CSMD1: variants seen among roughly 807,000 people sequenced by gnomAD.
CSMD1 encodes CUB and sushi domain-containing protein 1.
Under a neutral mutation model 417.5 loss-of-function variants are expected in CSMD1, and 213 were observed. The ratio of observed to expected loss-of-function variants is 0.51; its 90% CI spans 0.46 to 0.57. The LOEUF (loss-of-function observed/expected upper bound fraction) is 0.57. Ranked by LOEUF, CSMD1 falls within the 20% of genes least tolerant of loss-of-function variation. The probability of loss-of-function intolerance (pLI) is 0.00; values close to 1 mark genes in which losing one functional copy is unlikely to be tolerated. For synonymous variants in CSMD1, 2,862 were observed against 1,736.8 expected, an observed-to-expected ratio of 1.65 and a Z score of -16.11; for missense variants, 6,923 against 4,529.7, an observed-to-expected ratio of 1.53 and a Z score of -15.17.
intron 7 of CSMD1, among the ~76,000 whole-genome samples, chr8:3,663,389 C>T (rs1269181906): frequency 6.6e-6 from 1 of 152,052 alleles, no homozygotes; most frequent in African/African-American, 2.4e-5. Flanking sequence ...CTGTAAATTT[C>T]CCTGACTGCT....
chr8:3,181,449 T>C (rs1415933979), intron 36 of CSMD1, among the ~76,000 whole-genome samples: 1 of 152,234 alleles, frequency 6.6e-6, no homozygotes, highest in Non-Finnish European at 1.5e-5. Flanking sequence ...CACCTTTCTC[T>C]TGTACAAAAA....
At chr8:3,603,003 A>C (rs191299187) in intron 8 of CSMD1, among the ~76,000 whole-genome samples, 3 of 152,306 alleles carry the variant, frequency 2.0e-5, no homozygotes, top group Non-Finnish European at 4.4e-5. Context: ...TGTGTAAGAG[A>C]GAGGGAGGAT....
intron 5 of CSMD1, among the ~76,000 whole-genome samples, chr8:3,958,316 CTCTCTTTTTTT>C (rs1812106339): frequency 7.8e-6 from 1 of 128,960 alleles, no homozygotes; most frequent in Non-Finnish European, 1.6e-5. Context: ...TTTTTAAACT[CTCTCTTTTTTT>C]TTTTTTTTTC....
At chr8:4,802,123 C>T (rs538157566) in intron 1 of CSMD1, among the ~76,000 whole-genome samples, 2 of 152,290 alleles carry the variant, frequency 1.3e-5, no homozygotes, top group Non-Finnish European at 1.5e-5. Flanking sequence ...TTAAGGCCAT[C>T]TGGAGGGATC....
At chr8:4,953,383 G>A (rs1377849680) in intron 1 of CSMD1, among the ~76,000 whole-genome samples, 3 of 152,202 alleles carry the variant, frequency 2.0e-5, no homozygotes, top group South Asian at 2.1e-4. Context: ...GAAGGACTAT[G>A]CGATCAACAC....
chr8:4,188,547 T>A (rs1259313250), intron 3 of CSMD1, among the ~76,000 whole-genome samples: 1 of 152,110 alleles, frequency 6.6e-6, no homozygotes, highest in Non-Finnish European at 1.5e-5. Flanking sequence ...CTTTAGGAAT[T>A]CAGGCAGTAT....
intron 4 of CSMD1, among the ~76,000 whole-genome samples, chr8:4,010,836 C>G (rs1248576090): frequency 1.3e-5 from 2 of 152,186 alleles, no homozygotes; most frequent in African/African-American, 4.8e-5. Flanking sequence ...TAGGCCAAGT[C>G]CACTTTTATA....
chr8:3,472,390 C>T (rs1817157655), intron 11 of CSMD1, among the ~76,000 whole-genome samples: 1 of 152,104 alleles, frequency 6.6e-6, no homozygotes, highest in African/African-American at 2.4e-5. Flanking sequence ...GATTTTGTCA[C>T]ATTTTTACCC....
intron 7 of CSMD1, among the ~76,000 whole-genome samples, chr8:3,680,465 C>A (rs1799593680): frequency 6.6e-6 from 1 of 152,172 alleles, no homozygotes; most frequent in African/African-American, 2.4e-5. Context: ...TTGACACATA[C>A]ACCCTCCCAA....
At chr8:3,412,792 G>T (rs559993841) in intron 12 of CSMD1, among the ~76,000 whole-genome samples, 9 of 152,292 alleles carry the variant, frequency 5.9e-5, no homozygotes, top group African/African-American at 1.9e-4. Flanking sequence ...AACAGAGATG[G>T]GAATGGATTT....
At chr8:4,903,330 C>T (rs1256615691) in intron 1 of CSMD1, among the ~76,000 whole-genome samples, 1 of 152,076 alleles carries the variant, frequency 6.6e-6, no homozygotes, top group African/African-American at 2.4e-5. Context: ...ATAAAATTAC[C>T]ATCTTTGATA....
chr8:4,083,119 A>G (rs1049996343), intron 3 of CSMD1, among the ~76,000 whole-genome samples: 4 of 152,210 alleles, frequency 2.6e-5, no homozygotes, highest in East Asian at 1.9e-4. Flanking sequence ...TAGTCCTTTT[A>G]GTATATACCC....
At chr8:3,261,910 G>A (rs1801092020) in intron 26 of CSMD1, among the ~76,000 whole-genome samples, 1 of 151,930 alleles carries the variant, frequency 6.6e-6, no homozygotes, top group African/African-American at 2.4e-5. Context: ...CTATTCCTGG[G>A]GGAAATGTCC....
chr8:3,464,184 A>C (rs1222750486), intron 12 of CSMD1, among the ~76,000 whole-genome samples: 1 of 152,180 alleles, frequency 6.6e-6, no homozygotes, highest in African/African-American at 2.4e-5. Flanking sequence ...CAGTTCATCA[A>C]CTAGTGTGAT....
chr8:3,794,385 T>C (rs746206244), intron 5 of CSMD1, among the ~76,000 whole-genome samples: 7 of 152,180 alleles, frequency 4.6e-5, no homozygotes, highest in Admixed American at 2.6e-4. Flanking sequence ...TGAAGTTTCA[T>C]CCATGTAGTT....
At chr8:3,321,103 C>T (rs1806125557) in intron 23 of CSMD1, among the ~76,000 whole-genome samples, 1 of 152,154 alleles carries the variant, frequency 6.6e-6, no homozygotes, top group African/African-American at 2.4e-5. Context: ...CTGCTCCTGT[C>T]AACCTAGCCA....
At chr8:4,007,304 T>C (rs924807327) in intron 4 of CSMD1, among the ~76,000 whole-genome samples, 1 of 152,182 alleles carries the variant, frequency 6.6e-6, no homozygotes, top group African/African-American at 2.4e-5. Flanking sequence ...GAATGTTGGC[T>C]TCTTCTGTTC....
At chr8:4,093,594 A>T (rs1437107302) in intron 3 of CSMD1, among the ~76,000 whole-genome samples, 1 of 152,206 alleles carries the variant, frequency 6.6e-6, no homozygotes, top group Non-Finnish European at 1.5e-5. Flanking sequence ...GAATATCGGT[A>T]TGCTTTTTCC....
intron 2 of CSMD1, among the ~76,000 whole-genome samples, chr8:4,565,348 C>G (rs1798539266): frequency 6.6e-6 from 1 of 152,152 alleles, no homozygotes; most frequent in Non-Finnish European, 1.5e-5. Context: ...CTAAAAATGG[C>G]TTGTAACAAG....
Sources: gnomAD v4.1 joint callset for allele counts (sites outside exome capture counted in the v4.1 genomes callset) on GRCh38, gnomAD v4.1.1 for gene constraint, MANE v1.5 for transcripts, NCBI Gene and HGNC (gene_info 2026-07-23, HGNC 2026-07-21) for gene names.